Variants in ZC2HC1B observed in about 807,000 individuals in gnomAD.
ZC2HC1B encodes zinc finger C2HC domain-containing protein 1B.
In ZC2HC1B, 36 loss-of-function variants were observed where a neutral mutation model predicts 31.0. The ratio of observed to expected loss-of-function variants is 1.16; its 90% CI spans 0.89 to 1.54. The LOEUF is 1.54. Ranked by LOEUF, ZC2HC1B falls within the 40% of genes most tolerant of loss-of-function variation. The pLI is 0.00. For synonymous variants in ZC2HC1B, 73 were observed against 88.0 expected, an observed-to-expected ratio of 0.83 and a Z score of 0.95; for missense variants, 260 against 268.6, an observed-to-expected ratio of 0.97 and a Z score of 0.22.
intron 6 of ZC2HC1B, among the ~76,000 whole-genome samples, chr6:143,925,534 T>G (rs1582975907): frequency 8.2e-6 from 1 of 122,114 alleles, no homozygotes; most frequent in Non-Finnish European, 1.6e-5. Flanking sequence ...TTCTTTTCTT[T>G]TCTTTTTTTT....
rs2128494673 is a variant in ZC2HC1B at position 143,895,521 on chromosome 6, A to G, written c.350-3031A>G. On this transcript the variant is annotated intron_variant, in intron 4 of 7. Coordinates refer to ENST00000237275, the MANE Select transcript of ZC2HC1B (RefSeq NM_001013623.3). This position sits in a 1 kb window ranked among gnomAD's most constrained non-coding sequence, Gnocchi z 4.8. ...TTATATATAACATGGCCTAACATGC[A>G]TGAATGTGCCAGTAATTTCCCTTTT... 6.6e-6 allele frequency among the ~76,000 whole-genome samples: 1 copy of G among 152,316 alleles called. No homozygotes were observed. Among genetic ancestry groups the G allele is most frequent in the Middle Eastern group, 3.4e-3 (1 of 294 alleles).
In ZC2HC1B at chr6:143,908,862, A is replaced by C. The variant is rs1449811053; in HGVS notation, c.598+5710A>C. ...GCCTCTTTGTCTTGTGCCAGTTTTCAAGGGGAAATCTTCCAGCTTTTGCCG... is the reference window on the plus strand; with the variant it reads ...GCCTCTTTGTCTTGTGCCAGTTTTCCAGGGGAAATCTTCCAGCTTTTGCCG... On this transcript the variant is annotated intron_variant, in intron 6 of 7. Coordinates refer to ENST00000237275, the MANE Select transcript of ZC2HC1B (RefSeq NM_001013623.3). This position sits in a 1 kb window ranked among gnomAD's most constrained non-coding sequence, Gnocchi z 4.4. Among the ~76,000 whole-genome samples the C allele has an allele frequency of 6.6e-6, 1 of 152,148 alleles. No homozygotes were observed. Among genetic ancestry groups the C allele is most frequent in the Non-Finnish European group, 1.5e-5 (1 of 68,028 alleles).
intron 6 of ZC2HC1B, among the ~76,000 whole-genome samples, chr6:143,906,793 AT>A (rs1215107230): frequency 1.4e-5 from 2 of 145,268 alleles, no homozygotes; most frequent in African/African-American, 5.1e-5. Flanking sequence ...TTTTCTTTTC[AT>A]TTTAAGTTCA....
At chr6:143,925,237 G>T (rs555010931) in intron 6 of ZC2HC1B, among the ~76,000 whole-genome samples, 5 of 140,110 alleles carry the variant, frequency 3.6e-5, no homozygotes, top group Admixed American at 7.5e-5. Flanking sequence ...GTGCAGTGGT[G>T]CGATCTCCCC....
chr6:143,898,589 T>C lies in ZC2HC1B; in HGVS notation c.387T>C (p.Asn129=), dbSNP rs1181408974. Residue 129 remains asparagine, a synonymous_variant, in exon 5 of 8, where the codon AAT becomes AAC. Coordinates refer to ENST00000237275, the MANE Select transcript of ZC2HC1B (RefSeq NM_001013623.3). The part of the protein sequence containing the change: ...IQRPYCMRRF[N]ESAAERHTNF... ...GTCCATATTGTATGAGAAGGTTTAA[T>C]GAAAGCGCAGCTGAGCGACATACTA... 3.2e-6 allele frequency: 5 copies of C among 1,551,804 alleles called. No individual in the cohort carries two copies. The South Asian group carries it at 5.9e-5, about 18-fold the overall frequency.
Position 143,898,708 on chromosome 6 carries a change from A to C in ZC2HC1B, c.489+17A>C. On this transcript the variant is annotated intron_variant, in intron 5 of 7. Coordinates refer to ENST00000237275, the MANE Select transcript of ZC2HC1B (RefSeq NM_001013623.3). ...AGAGCTCAGGTAACTATCTCTCCCC[A>C]GGTGTTGGCTCTTGTGCCCTTGAAT... 4 of 1,551,858 alleles carry C rather than the reference A, an allele frequency of 2.6e-6. No individual in the cohort carries two copies. Among genetic ancestry groups the C allele is most frequent in the Non-Finnish European group, 3.5e-6 (4 of 1,146,918 alleles).
chr6:143,908,208 G>A lies in ZC2HC1B; in HGVS notation c.598+5056G>A, dbSNP rs531690572. On this transcript the variant is annotated intron_variant, in intron 6 of 7. Coordinates refer to ENST00000237275, the MANE Select transcript of ZC2HC1B (RefSeq NM_001013623.3). The surrounding 1 kb of genome is among the most constrained non-coding windows in gnomAD (Gnocchi z 4.4). ...GTAGTGTAGTTTGAAGTTGGGTAGC[G>A]TGATGGCTCCAGCTTTGTTCTTTTT... Among the ~76,000 whole-genome samples, 7 of 152,164 alleles carry A rather than the reference G, an allele frequency of 4.6e-5. No homozygotes were observed. The highest frequency in any genetic ancestry group is 1.9e-4 in the East Asian group (1 of 5,184).
Position 143,884,777 on chromosome 6 carries a change from T to C in ZC2HC1B, c.90+412T>C, listed in dbSNP as rs751350205. Among the ~76,000 whole-genome samples, 4 of 152,218 alleles carry C rather than the reference T, an allele frequency of 2.6e-5. No individual in the cohort carries two copies. Among genetic ancestry groups the C allele is most frequent in the Non-Finnish European group, 5.9e-5 (4 of 68,032 alleles). ...TTAGCCTCAAATTTGTCACTAATCC[T>C]GACAAGTCCTTTAACCTTCCTGTTT... On this transcript the variant is annotated intron_variant, in intron 2 of 7. Coordinates refer to ENST00000237275, the MANE Select transcript of ZC2HC1B (RefSeq NM_001013623.3). The surrounding 1 kb of genome is among the most constrained non-coding windows in gnomAD (Gnocchi z 5.1).
At chr6:143,882,334 T>TTTATATATATATATATATATATATATA (rs1554237237) in intron 1 of ZC2HC1B, among the ~76,000 whole-genome samples, 6 of 85,528 alleles carry the variant, frequency 7.0e-5, no homozygotes, top group African/African-American at 3.2e-4. Context: ...TTTATATTTT[T>TTTATATATATATATATATATATATATA]TATATATATA....
intron 6 of ZC2HC1B, among the ~76,000 whole-genome samples, chr6:143,932,823 T>G (rs1303738): frequency 0.11 from 16,671 of 152,238 alleles, 1,481 homozygotes; most frequent in East Asian, 0.46. Flanking sequence ...CAAGGGCAGC[T>G]GTTCAGATTC....
chr6:143,930,370 T>G (rs1214511984), intron 6 of ZC2HC1B, among the ~76,000 whole-genome samples: 4 of 147,114 alleles, frequency 2.7e-5, no homozygotes, highest in African/African-American at 1.0e-4. Context: ...TTTGTATAGT[T>G]TTGAGAGTTT....
At chr6:143,910,490 C>A (rs1418109295) in intron 6 of ZC2HC1B, among the ~76,000 whole-genome samples, 2 of 152,186 alleles carry the variant, frequency 1.3e-5, no homozygotes, top group Admixed American at 1.3e-4. Context: ...CCCACTTGAT[C>A]CAGAGCTGAG....
chr6:143,937,221 C>G (rs1258952721), intron 6 of ZC2HC1B, among the ~76,000 whole-genome samples: 1 of 152,008 alleles, frequency 6.6e-6, no homozygotes, highest in Non-Finnish European at 1.5e-5. Context: ...GTAGATAACC[C>G]TAAGCAGGGA....
chr6:143,919,037 G>C (rs1054516582), intron 6 of ZC2HC1B, among the ~76,000 whole-genome samples: 1 of 151,902 alleles, frequency 6.6e-6, no homozygotes, highest in Non-Finnish European at 1.5e-5. Context: ...CTGTTTAGCA[G>C]ATCTGTCATC....
Position 143,905,031 on chromosome 6 carries a change from A to G in ZC2HC1B, c.598+1879A>G, listed in dbSNP as rs1282352560. 1.3e-5 allele frequency among the ~76,000 whole-genome samples: 2 copies of G among 152,130 alleles called. No homozygotes were observed. Among genetic ancestry groups the G allele is most frequent in the African/African-American group, 4.8e-5 (2 of 41,428 alleles). Reference sequence around the variant, plus strand: ...GTGAGTCCTCCAAGGTACAGCCAAGATTGTTTTGGCTATTTGGGATCCCTT... The same window carrying G: ...GTGAGTCCTCCAAGGTACAGCCAAGGTTGTTTTGGCTATTTGGGATCCCTT... On this transcript the variant is annotated intron_variant, in intron 6 of 7. Coordinates refer to ENST00000237275, the MANE Select transcript of ZC2HC1B (RefSeq NM_001013623.3). The surrounding 1 kb of genome is among the most constrained non-coding windows in gnomAD (Gnocchi z 4.2).
rs146378482 is a variant in ZC2HC1B, at chr6:143,922,147, C to T, written c.599-15502C>T. ...GAATCTCACTTAGTGAGATTTCCTT[C>T]GTTCTGTTCTGATACTAGTCTACTT... On this transcript the variant is annotated intron_variant, in intron 6 of 7. Coordinates refer to ENST00000237275, the MANE Select transcript of ZC2HC1B (RefSeq NM_001013623.3). This position sits in a 1 kb window ranked among gnomAD's most constrained non-coding sequence, Gnocchi z 5.0. Among the ~76,000 whole-genome samples, 8 of 152,218 alleles carry T rather than the reference C, an allele frequency of 5.3e-5. No individual in the cohort carries two copies. The highest frequency in any genetic ancestry group is 4.1e-4 in the South Asian group (2 of 4,824).
chr6:143,867,952 G>A (rs1777286744), intron 1 of ZC2HC1B, among the ~76,000 whole-genome samples: 1 of 152,220 alleles, frequency 6.6e-6, no homozygotes, highest in Non-Finnish European at 1.5e-5. Context: ...TACAGGGGAT[G>A]TAGACTTTTT....
Position 143,886,785 on chromosome 6 carries a change from C to G in ZC2HC1B, c.313C>G (p.Pro105Ala). 1 of 1,546,236 alleles carries G rather than the reference C, an allele frequency of 6.5e-7. No homozygotes were observed. The highest frequency in any genetic ancestry group is 2.0e-5 in the Admixed American group (1 of 50,242). ...QCMLAIKEGR[P>A]LPPPPPPSLN... is the part of the protein sequence containing the mutation. The stretch of plus-strand genomic sequence containing the variant: ...TATGCTAGCCATTAAAGAAGGCCGA[C>G]CCCTCCCACCTCCACCCCCTCCATC... Residue 105 changes from proline (P) to alanine (A), a missense_variant, in exon 4 of 8, where the codon CCC (proline) becomes GCC (alanine). Physicochemically the swap from Pro to Ala is conservative, Grantham distance 27 (BLOSUM62 -1). Transcript: ENST00000237275. The surrounding 1 kb of genome is among the most constrained non-coding windows in gnomAD (Gnocchi z 4.2).
chr6:143,927,512 A>G (rs62427075), intron 6 of ZC2HC1B, among the ~76,000 whole-genome samples: 2,007 of 152,306 alleles, frequency 0.013, 24 homozygotes, highest in Non-Finnish European at 0.02. Context: ...AGTATTCCAT[A>G]TATATATTTA....
Sources: allele counts gnomAD v4.1 joint callset (sites outside exome capture counted in the v4.1 genomes callset), GRCh38; gene constraint gnomAD v4.1.1; non-coding constraint Gnocchi (gnomAD v3.1); transcripts MANE v1.5; gene names NCBI Gene and HGNC (gene_info 2026-07-23, HGNC 2026-07-21).